The following NDUFAF6 variants were observed in gnomAD, a reference collection of about 807,000 sequenced individuals.
NDUFAF6 encodes NADH dehydrogenase (ubiquinone) complex I, assembly factor 6.
In NDUFAF6, 45 loss-of-function variants were observed where a neutral mutation model predicts 40.8. The ratio of observed to expected loss-of-function variants is 1.10; its 90% CI spans 0.87 to 1.42. The LOEUF is 1.42. Ranked by LOEUF, NDUFAF6 falls within the 40% of genes most tolerant of loss-of-function variation. The pLI is 0.00. For missense variants in NDUFAF6, 435 were observed against 418.5 expected, an observed-to-expected ratio of 1.04 and a Z score of -0.34; for synonymous variants, 185 against 155.9, an observed-to-expected ratio of 1.19 and a Z score of -1.39.
intron 4 of NDUFAF6, chr8:95,044,451 C>CTTTTTTTT (rs71273446): frequency 8.1e-6 from 1 of 123,704 alleles, no homozygotes; most frequent in African/African-American, 3.2e-5. Flanking sequence ...ATGTCATTTT[C>CTTTTTTTT]TTTTTTTTTT....
chr8:94,998,620 T>C (rs1347056882), intron 2 of NDUFAF6, among the ~76,000 whole-genome samples: 1 of 152,128 alleles, frequency 6.6e-6, no homozygotes, highest in Admixed American at 6.6e-5. Context: ...GACCACAAAG[T>C]CCCTGTTCTC....
chr8:95,075,978 C>T (rs1161631002), exon 10 of NDUFAF6: 6 of 277,342 alleles, frequency 2.2e-5, no homozygotes, highest in South Asian at 1.1e-4. Flanking sequence ...GGGTGGACTC[C>T]GGGGCTTTGA....
intron 3 of NDUFAF6, among the ~76,000 whole-genome samples, chr8:95,041,204 AC>A (rs1830108784): frequency 6.6e-6 from 1 of 152,082 alleles, no homozygotes; most frequent in Non-Finnish European, 1.5e-5. Flanking sequence ...ACATAGGGAG[AC>A]CCTGTCTCTA....
intron 1 of NDUFAF6, among the ~76,000 whole-genome samples, chr8:94,915,796 G>T (rs1182649677): frequency 1.3e-5 from 2 of 152,134 alleles, no homozygotes; most frequent in African/African-American, 4.8e-5. Context: ...ACTTACAAGG[G>T]GCTTCAGAGA....
downstream of NDUFAF6, among the ~76,000 whole-genome samples, chr8:95,105,056 CACACACACACAGAGAGAG>C (rs1412527920): frequency 9.9e-5 from 6 of 60,664 alleles, no homozygotes; most frequent in Admixed American, 2.5e-4. Context: ...CACACACACA[CACACACACACAGAGAGAG>C]AGAGAGAGAG....
At chr8:95,059,715 G>T (rs948553710), downstream of NDUFAF6, among the ~76,000 whole-genome samples, 19 of 152,106 alleles carry the variant, frequency 1.2e-4, 1 homozygote, top group Admixed American at 1.2e-3. Flanking sequence ...CAGGTGTTGT[G>T]GTGGGAGCCT....
At chr8:95,040,288 A>G (rs1830009050) in intron 3 of NDUFAF6, among the ~76,000 whole-genome samples, 1 of 152,204 alleles carries the variant, frequency 6.6e-6, no homozygotes, top group Non-Finnish European at 1.5e-5. Context: ...TGTCCTTCTC[A>G]GAGTATCACA....
intron 1 of NDUFAF6, chr8:94,926,588 CA>C (rs2131292217): frequency 6.6e-6 from 1 of 152,242 alleles, no homozygotes; most frequent in South Asian, 2.1e-4. Context: ...TCAGGCAAAA[CA>C]GAGCAAAACT....
intron 2 of NDUFAF6, among the ~76,000 whole-genome samples, chr8:95,000,772 C>A (rs909753871): frequency 6.6e-6 from 1 of 151,842 alleles, no homozygotes; most frequent in Non-Finnish European, 1.5e-5. Context: ...CCTGTCACTA[C>A]TAAAATTACA....
intron 1 of NDUFAF6, among the ~76,000 whole-genome samples, chr8:94,938,161 T>TA (rs1821174475): frequency 6.6e-6 from 1 of 152,224 alleles, no homozygotes; most frequent in Non-Finnish European, 1.5e-5. Flanking sequence ...ACGTGTTTGC[T>TA]AAAACCATTT....
In NDUFAF6 at chr8:95,064,851, G is replaced by A. The variant is rs528187640; in HGVS notation, c.*512-10782G>A. On this transcript the variant is annotated intron_variant and NMD_transcript_variant, in intron 9 of 9. Transcript: ENST00000520757. ...GAAGCCAAGAAGAATCTAAACGGACGGGCCTTGCTGGGTTTCCTCAGTCTA... is the reference window on the plus strand; with the variant it reads ...GAAGCCAAGAAGAATCTAAACGGACAGGCCTTGCTGGGTTTCCTCAGTCTA... Among the ~76,000 whole-genome samples the A allele has an allele frequency of 2.6e-5, 4 of 152,100 alleles. No individual in the cohort carries two copies. In the South Asian group the frequency reaches 6.2e-4, roughly 24 times the overall value.
chr8:94,953,928 G>A (rs531956959), upstream of NDUFAF6, among the ~76,000 whole-genome samples: 5 of 152,272 alleles, frequency 3.3e-5, no homozygotes, highest in South Asian at 4.1e-4. Flanking sequence ...AGGCCTAAAC[G>A]TTTTGATCAT....
At chr8:94,915,051 T>C (rs1819036703) in intron 1 of NDUFAF6, among the ~76,000 whole-genome samples, 1 of 152,182 alleles carries the variant, frequency 6.6e-6, no homozygotes, top group Admixed American at 6.5e-5. Flanking sequence ...TAGGTCATTT[T>C]GCAACACTTT....
At chr8:94,933,775 C>A (rs2340583) in intron 1 of NDUFAF6, among the ~76,000 whole-genome samples, 90,305 of 138,986 alleles carry the variant, frequency 0.65, 29,326 homozygotes, top group East Asian at 0.79. Flanking sequence ...AAAAAACCCC[C>A]AAAAAAACCA....
intron 9 of NDUFAF6, chr8:95,066,969 G>A (rs1292377005): frequency 1.3e-5 from 2 of 152,212 alleles, no homozygotes; most frequent in Non-Finnish European, 2.9e-5. Flanking sequence ...CCCAACTGAG[G>A]AATGTGAGGC....
At chr8:95,106,181 A>G (rs2065293284), downstream of NDUFAF6, among the ~76,000 whole-genome samples, 1 of 151,876 alleles carries the variant, frequency 6.6e-6, no homozygotes, top group South Asian at 2.1e-4. Context: ...AGGCTGAGGC[A>G]GGAGAATGGC....
chr8:95,010,308 C>T (rs900479409), intron 2 of NDUFAF6, among the ~76,000 whole-genome samples: 4 of 152,088 alleles, frequency 2.6e-5, no homozygotes, highest in Non-Finnish European at 5.9e-5. Context: ...AGCCTGGTCT[C>T]GAACTCCTGA....
chr8:95,057,711 A>C (rs1021146922), intron 8 of NDUFAF6, 98 bp from the exon 9 acceptor site: 1 of 972,462 alleles, frequency 1.0e-6, no homozygotes, highest in African/African-American at 1.7e-5. Context: ...GGGAAACTAA[A>C]ATAGCCTAAA....
intron 8 of NDUFAF6, among the ~76,000 whole-genome samples, chr8:95,057,062 A>G (rs1369411644): frequency 6.6e-6 from 1 of 152,172 alleles, no homozygotes; most frequent in African/African-American, 2.4e-5. Context: ...TTAATCCCCC[A>G]GGTTCTGTGC....
Sources: allele counts gnomAD v4.1 joint callset (sites outside exome capture counted in the v4.1 genomes callset), GRCh38; gene constraint gnomAD v4.1.1; transcripts MANE v1.5; gene names NCBI Gene and HGNC (gene_info 2026-07-23, HGNC 2026-07-21).